PCSK6: variants seen among roughly 807,000 people sequenced by gnomAD.
The protein encoded by PCSK6 is paired basic amino acid cleaving enzyme 4.
A neutral mutation model predicts 123.3 loss-of-function variants in PCSK6; 85 were observed. The ratio of observed to expected loss-of-function variants is 0.69; its 90% CI spans 0.58 to 0.83. The LOEUF is 0.83. Among genes scored for constraint, PCSK6 ranks in the 40% least tolerant of loss-of-function variants. The probability of loss-of-function intolerance (pLI) is 0.00; values close to 1 mark genes in which losing one functional copy is unlikely to be tolerated. For missense variants in PCSK6, 1,191 were observed against 1,282.3 expected, an observed-to-expected ratio of 0.93 and a Z score of 1.09; for synonymous variants, 508 against 516.0, an observed-to-expected ratio of 0.98 and a Z score of 0.21.
At chr15:101,429,031 C>A (rs557641439) in intron 5 of PCSK6, among the ~76,000 whole-genome samples, 2 of 152,140 alleles carry the variant, frequency 1.3e-5, no homozygotes, top group Admixed American at 6.5e-5. Context: ...CTCCAGTGGC[C>A]GAGGCTTCCT....
intron 18 of PCSK6, among the ~76,000 whole-genome samples, chr15:101,321,494 T>C (rs1004275286): frequency 1.3e-5 from 2 of 152,248 alleles, no homozygotes; most frequent in African/African-American, 4.8e-5. Context: ...TTATGTCTAC[T>C]TCACAGGTTG....
chr15:101,357,541 T>C (rs2041078568), intron 13 of PCSK6, among the ~76,000 whole-genome samples: 1 of 152,218 alleles, frequency 6.6e-6, no homozygotes, highest in African/African-American at 2.4e-5. Flanking sequence ...CATTCAGTGC[T>C]GGGGCTGGTC....
chr15:101,427,690 C>A (rs565297314), intron 6 of PCSK6, among the ~76,000 whole-genome samples: 28 of 152,362 alleles, frequency 1.8e-4, no homozygotes, highest in African/African-American at 6.7e-4. Flanking sequence ...AAACAGTAAG[C>A]AGTTCCTCTG....
intron 1 of PCSK6, among the ~76,000 whole-genome samples, chr15:101,463,748 G>C (rs1002463834): frequency 6.6e-6 from 1 of 152,160 alleles, no homozygotes; most frequent in African/African-American, 2.4e-5. Flanking sequence ...ACTGAACAAC[G>C]TGCCGGGGAG....
In PCSK6 at chr15:101,307,096, C is replaced by T. The variant is rs1223516897; in HGVS notation, c.2812+117G>A. ...CAGACAGTCAATCGGATCAGGGGCA[C>T]GAACGCCTGTCTGTGGAGCCGCCAT... is the stretch of plus-strand genomic sequence containing the variant. On this transcript the variant is annotated intron_variant, in intron 21 of 21. Transcript: ENST00000611716. 2.3e-5 allele frequency: 16 copies of T among 703,744 alleles called. No individual in the cohort carries two copies. The East Asian group carries it at 2.7e-4, about 12-fold the overall frequency. 43.6% of individuals were successfully genotyped at this position (703,744 alleles called of 1,614,324 possible).
chr15:101,335,368 CA>C (rs140642851), intron 13 of PCSK6, among the ~76,000 whole-genome samples: 6 of 152,096 alleles, frequency 3.9e-5, no homozygotes, highest in Admixed American at 3.9e-4. Context: ...GTTGTATGGT[CA>C]AAAAACCCCA....
At chr15:101,347,562 C>T (rs2949) in intron 13 of PCSK6, 723,781 of 1,414,002 alleles carry the variant, frequency 0.51, 188,434 homozygotes, top group East Asian at 0.64. Flanking sequence ...TGCACGCACA[C>T]GCATTCATGC....
chr15:101,489,404 C>T lies in PCSK6; in HGVS notation c.267G>A (p.Ala89=). 1.6e-6 allele frequency: 2 copies of T among 1,276,468 alleles called. No individual in the cohort carries two copies. Among genetic ancestry groups the T allele is most frequent in the Non-Finnish European group, 1.0e-6 (1 of 997,496 alleles). 79.1% of individuals were successfully genotyped at this position (1,276,468 alleles called of 1,614,324 possible). Reference sequence around the variant, plus strand: ...CCAAGTTGAGGTACCCGTGCGCCGCCGCCACGCGGTCCGCCTCGGCCGGGC... The same window carrying T: ...CCAAGTTGAGGTACCCGTGCGCCGCTGCCACGCGGTCCGCCTCGGCCGGGC... ...LGGPAEADRV[A]AAHGYLNLGQ... Residue 89 remains alanine (A), a synonymous_variant, in exon 1 of 22, where the codon GCG becomes GCA. Transcript: ENST00000611716.
At chr15:101,433,741 G>C (rs959017744) in intron 2 of PCSK6, among the ~76,000 whole-genome samples, 2 of 152,252 alleles carry the variant, frequency 1.3e-5, no homozygotes, top group African/African-American at 4.8e-5. Context: ...AAAGGGACAA[G>C]ATTTCTCTTC....
At chr15:101,354,127 T>C (rs2040973298) in intron 13 of PCSK6, among the ~76,000 whole-genome samples, 1 of 152,140 alleles carries the variant, frequency 6.6e-6, no homozygotes, top group South Asian at 2.1e-4. Context: ...TGTGTTACAC[T>C]GGGTCTTGAA....
intron 7 of PCSK6, among the ~76,000 whole-genome samples, chr15:101,395,947 T>C (rs1336976105): frequency 6.6e-6 from 1 of 152,048 alleles, no homozygotes; most frequent in African/African-American, 2.4e-5. Context: ...CTACAGTCTC[T>C]CACCGCCGGG....
At chr15:101,345,883 G>A (rs1409586854) in intron 13 of PCSK6, among the ~76,000 whole-genome samples, 1 of 152,170 alleles carries the variant, frequency 6.6e-6, no homozygotes, top group Non-Finnish European at 1.5e-5. Context: ...GGCCAGGCTG[G>A]TCTCAAACTC....
At chr15:101,347,347 C>A in intron 13 of PCSK6, 1 of 1,238,078 alleles carries the variant, frequency 8.1e-7, no homozygotes, top group Admixed American at 4.0e-5. Flanking sequence ...AACAGTTATG[C>A]TCTTGGGAAA....
At chr15:101,426,708 C>T (rs2056267159) in intron 6 of PCSK6, among the ~76,000 whole-genome samples, 1 of 152,108 alleles carries the variant, frequency 6.6e-6, no homozygotes, top group Admixed American at 6.5e-5. Context: ...CCCAACCTCC[C>T]TGCCTGGTAC....
intron 19 of PCSK6, chr15:101,316,233 T>C (rs2039987399): frequency 6.6e-6 from 1 of 152,258 alleles, no homozygotes; most frequent in Admixed American, 6.5e-5. Flanking sequence ...GGGATAGATG[T>C]ACACGTTCCC....
At chr15:101,486,494 G>C (rs149078578) in intron 1 of PCSK6, among the ~76,000 whole-genome samples, 1 of 152,140 alleles carries the variant, frequency 6.6e-6, no homozygotes, top group Non-Finnish European at 1.5e-5. Context: ...GTCATCTGCC[G>C]ATAATGACAT....
At chr15:101,365,698 A>G (rs1197358217) in intron 13 of PCSK6, 1 of 153,406 alleles carries the variant, frequency 6.5e-6, no homozygotes, top group Admixed American at 6.5e-5. Context: ...AATGTGATCA[A>G]TCCGTACAAT....
intron 1 of PCSK6, among the ~76,000 whole-genome samples, chr15:101,447,625 G>A (rs1253801046): frequency 1.3e-5 from 2 of 152,194 alleles, no homozygotes; most frequent in Non-Finnish European, 2.9e-5. Context: ...GGAAGGGGGC[G>A]GCCTAAAGAC....
At chr15:101,333,579 A>C (rs1302834206) in intron 13 of PCSK6, among the ~76,000 whole-genome samples, 3 of 152,164 alleles carry the variant, frequency 2.0e-5, no homozygotes, top group South Asian at 2.1e-4. Flanking sequence ...ACCTCTGCCC[A>C]TGCTCGCTAC....
Sources: gnomAD v4.1 joint callset for allele counts (sites outside exome capture counted in the v4.1 genomes callset) on GRCh38, gnomAD v4.1.1 for gene constraint, MANE v1.5 for transcripts, NCBI Gene and HGNC (gene_info 2026-07-23, HGNC 2026-07-21) for gene names.